Variants in TNR observed in about 807,000 individuals in gnomAD.
TNR encodes tenascin R.
A neutral mutation model predicts 150.4 loss-of-function variants in TNR; 45 were observed. The observed-to-expected ratio is 0.30, with a 90% CI of 0.24 to 0.38. The LOEUF is 0.38. TNR is among the 10% of genes least tolerant of loss of function. The pLI is 1.00. For synonymous variants in TNR, 687 were observed against 678.4 expected, an observed-to-expected ratio of 1.01 and a Z score of -0.20; for missense variants, 1,544 against 1,759.1, an observed-to-expected ratio of 0.88 and a Z score of 2.19.
intron 1 of TNR, among the ~76,000 whole-genome samples, chr1:175,670,612 G>A (rs1030481556): frequency 6.6e-6 from 1 of 152,156 alleles, no homozygotes; most frequent in African/African-American, 2.4e-5. Context: ...GCAGGCCCAG[G>A]TCGCTGGGGA....
At chr1:175,533,739 C>T (rs1660161474) in intron 1 of TNR, among the ~76,000 whole-genome samples, 1 of 152,116 alleles carries the variant, frequency 6.6e-6, no homozygotes, top group Non-Finnish European at 1.5e-5. Flanking sequence ...TTGAATGACC[C>T]AGTGGAGGAT....
chr1:175,737,881 C>T (rs6678998), intron 1 of TNR, among the ~76,000 whole-genome samples: 12,956 of 152,164 alleles, frequency 0.085, 608 homozygotes, highest in South Asian at 0.16. Context: ...AACTCCTTCC[C>T]CCATTATGAA....
intron 14 of TNR, among the ~76,000 whole-genome samples, chr1:175,362,255 T>C (rs1651631185): frequency 6.6e-6 from 1 of 152,222 alleles, no homozygotes; most frequent in African/African-American, 2.4e-5. Flanking sequence ...TCTGGCTATA[T>C]CTGATGATGA....
intron 1 of TNR, among the ~76,000 whole-genome samples, chr1:175,686,412 C>A (rs1031779484): frequency 6.6e-6 from 1 of 152,160 alleles, no homozygotes; most frequent in Non-Finnish European, 1.5e-5. Flanking sequence ...TTGAAGACTG[C>A]GTATAGATGA....
At chr1:175,715,345 A>G (rs995999572) in intron 1 of TNR, among the ~76,000 whole-genome samples, 7 of 151,916 alleles carry the variant, frequency 4.6e-5, no homozygotes, top group African/African-American at 1.7e-4. Flanking sequence ...GTTATTTTCC[A>G]CTCCATGGCA....
chr1:175,404,374 G>A (rs979636425), intron 3 of TNR, among the ~76,000 whole-genome samples: 1 of 152,082 alleles, frequency 6.6e-6, no homozygotes, highest in Admixed American at 6.5e-5. Flanking sequence ...TACTTCAAAG[G>A]CTCCCCAGGA....
chr1:175,476,883 G>A (rs544324741), intron 2 of TNR, among the ~76,000 whole-genome samples: 17 of 152,256 alleles, frequency 1.1e-4, no homozygotes, highest in South Asian at 6.2e-4. Flanking sequence ...TTAGAGACCC[G>A]TAACAGCACT....
chr1:175,675,163 C>T (rs1397266797), intron 1 of TNR, among the ~76,000 whole-genome samples: 1 of 152,252 alleles, frequency 6.6e-6, no homozygotes. Context: ...ACAAGGACCT[C>T]TCTTAGCTTC....
chr1:175,316,728 C>G lies in TNR; in HGVS notation c.*6629G>C, dbSNP rs907223459. On this transcript the variant is annotated 3_prime_UTR_variant, in exon 23 of 23. Transcript: ENST00000367674. ...TTTATGTTCTGGTTCTTATCTTCCC[C>G]CTCTCATTCTGTTGGGGACCCTCTC... 1 of 152,066 alleles carries G rather than the reference C, an allele frequency of 6.6e-6. No individual in the cohort carries two copies. Among genetic ancestry groups the G allele is most frequent in the Non-Finnish European group, 1.5e-5 (1 of 68,020 alleles). The allele number at this position is 152,066 out of a possible 1,614,324, so 9.4% of individuals were successfully genotyped here.
At chr1:175,570,703 TC>T (rs1300495546) in intron 1 of TNR, among the ~76,000 whole-genome samples, 1 of 151,926 alleles carries the variant, frequency 6.6e-6, no homozygotes, top group African/African-American at 2.4e-5. Flanking sequence ...TTTATAATGT[TC>T]CCCCTTTCAC....
chr1:175,356,175 T>A (rs542240088), intron 16 of TNR, 144 bp downstream of exon 16: 2 of 1,140,092 alleles, frequency 1.8e-6, no homozygotes, highest in African/African-American at 3.1e-5. Flanking sequence ...TTCACTGAAT[T>A]TGGGCTGTAG....
chr1:175,493,485 G>A (rs535906285), intron 2 of TNR, among the ~76,000 whole-genome samples: 7 of 152,350 alleles, frequency 4.6e-5, no homozygotes, highest in African/African-American at 1.4e-4. Context: ...TGATGTGCTA[G>A]GAGGAGCTGG....
At chr1:175,636,153 C>T (rs971127560) in intron 1 of TNR, among the ~76,000 whole-genome samples, 4 of 152,112 alleles carry the variant, frequency 2.6e-5, no homozygotes, top group Admixed American at 6.5e-5. Flanking sequence ...TAAATAGCCT[C>T]GCCCCCAGCA....
chr1:175,610,388 G>T lies in TNR; in HGVS notation c.-164-82019C>A, dbSNP rs991575918. On this transcript the variant is annotated intron_variant, in intron 1 of 22. Coordinates refer to ENST00000367674, the MANE Select transcript of TNR (RefSeq NM_003285.3). ...CAGACTCTCCAAATTCCCATGCATT[G>T]CTTCATGAAGGATTAGCTAAACAGC... 1.2e-4 allele frequency among the ~76,000 whole-genome samples: 19 copies of T among 152,294 alleles called. 1 individual carries two copies. Among genetic ancestry groups the T allele is most frequent in the South Asian group, 1.2e-3 (6 of 4,824 alleles).
intron 18 of TNR, among the ~76,000 whole-genome samples, chr1:175,346,464 C>T (rs4650920): frequency 0.65 from 99,218 of 151,580 alleles, 33,315 homozygotes; most frequent in East Asian, 0.77. Flanking sequence ...GAGGGATAAA[C>T]AAACAGGACT....
At chr1:175,583,677 G>T (rs923122853) in intron 1 of TNR, among the ~76,000 whole-genome samples, 4 of 152,194 alleles carry the variant, frequency 2.6e-5, no homozygotes, top group African/African-American at 7.2e-5. Flanking sequence ...CAAAAGGATG[G>T]CTTAGATACC....
intron 1 of TNR, among the ~76,000 whole-genome samples, chr1:175,536,932 C>T (rs1660315128): frequency 6.6e-6 from 1 of 152,198 alleles, no homozygotes. Flanking sequence ...TTGGGATGAG[C>T]CTTCCTTCAA....
rs1478964104 is a variant in TNR at position 175,318,127 on chromosome 1, G to A, written c.*5230C>T. On this transcript the variant is annotated 3_prime_UTR_variant, in exon 23 of 23. Coordinates refer to ENST00000367674, the MANE Select transcript of TNR (RefSeq NM_003285.3). ...AGTCCTTCTGCTTCTGGTTTTCGGT[G>A]CAGTGACAGGCCTTGGTGCCTTAGT... The A allele has an allele frequency of 6.6e-6, 1 of 152,270 alleles. No homozygotes were observed. The highest frequency in any genetic ancestry group is 1.5e-5 in the Non-Finnish European group (1 of 68,062). 9.4% of individuals were successfully genotyped at this position (152,270 alleles called of 1,614,324 possible). A position where few individuals can be genotyped will look rare whatever the true frequency, so the allele number is the denominator to read the frequency against.
At chr1:175,629,654 C>T (rs758254554) in intron 1 of TNR, among the ~76,000 whole-genome samples, 2 of 152,044 alleles carry the variant, frequency 1.3e-5, no homozygotes, top group African/African-American at 2.4e-5. Flanking sequence ...GGGCCTGGTG[C>T]GGCCTCAGAG....
Sources: gnomAD v4.1 joint callset for allele counts (sites outside exome capture counted in the v4.1 genomes callset) on GRCh38, gnomAD v4.1.1 for gene constraint, MANE v1.5 for transcripts, NCBI Gene and HGNC (gene_info 2026-07-23, HGNC 2026-07-21) for gene names.